The following ARHGAP15 variants were observed in gnomAD, a reference collection of about 807,000 sequenced individuals.
ARHGAP15 encodes rho GTPase-activating protein 15.
ARHGAP15 carries 51 observed loss-of-function variants against 63.7 expected under a neutral mutation model. The observed-to-expected ratio is 0.80, with a 90% CI of 0.64 to 1.01. The LOEUF (loss-of-function observed/expected upper bound fraction) is 1.01. Ranked by LOEUF, ARHGAP15 falls within the 50% of genes least tolerant of loss-of-function variation. The probability of loss-of-function intolerance (pLI) is 0.00; values close to 1 mark genes in which losing one functional copy is unlikely to be tolerated. For synonymous variants in ARHGAP15, 191 were observed against 193.8 expected (o/e 0.99, Z 0.12); for missense variants, 560 against 564.6 (o/e 0.99, Z 0.08).
intron 6 of ARHGAP15, among the ~76,000 whole-genome samples, chr2:143,423,433 C>T (rs751387202): frequency 6.6e-6 from 1 of 152,042 alleles, no homozygotes; most frequent in Non-Finnish European, 1.5e-5. Flanking sequence ...CATTCTATAC[C>T]CCTTTATTGA....
intron 13 of ARHGAP15, among the ~76,000 whole-genome samples, chr2:143,743,604 C>G (rs1686048598): frequency 6.6e-6 from 1 of 152,192 alleles, no homozygotes; most frequent in South Asian, 2.1e-4. Context: ...TGTTCGGGGA[C>G]AGCACTAGGT....
intron 11 of ARHGAP15, among the ~76,000 whole-genome samples, chr2:143,602,456 A>G (rs1372935466): frequency 6.6e-6 from 1 of 152,166 alleles, no homozygotes; most frequent in East Asian, 1.9e-4. Flanking sequence ...AGGGGAGGAC[A>G]GGAGGGAACA....
At chr2:143,682,439 G>T (rs1683142286) in intron 12 of ARHGAP15, among the ~76,000 whole-genome samples, 1 of 151,906 alleles carries the variant, frequency 6.6e-6, no homozygotes, top group Non-Finnish European at 1.5e-5. Flanking sequence ...TTAAGAAATA[G>T]AATTGACTTT....
chr2:143,390,375 G>A (rs1317534820), intron 6 of ARHGAP15, among the ~76,000 whole-genome samples: 1 of 152,146 alleles, frequency 6.6e-6, no homozygotes, highest in Non-Finnish European at 1.5e-5. Flanking sequence ...CTTACCATCT[G>A]TCAGCTAAAG....
At chr2:143,263,464 A>G (rs925706835) in intron 6 of ARHGAP15, among the ~76,000 whole-genome samples, 15 of 152,238 alleles carry the variant, frequency 9.9e-5, no homozygotes, top group Middle Eastern at 3.4e-3. Context: ...TCATGTAATC[A>G]GTGGTAGGTA....
chr2:143,283,524 C>T (rs1017588056), intron 6 of ARHGAP15, among the ~76,000 whole-genome samples: 4 of 152,108 alleles, frequency 2.6e-5, no homozygotes, highest in Non-Finnish European at 4.4e-5. Flanking sequence ...TTTTGGTGTT[C>T]TGCCTATTGT....
chr2:143,422,807 A>G (rs1382171183), intron 6 of ARHGAP15, among the ~76,000 whole-genome samples: 1 of 152,064 alleles, frequency 6.6e-6, no homozygotes, highest in Non-Finnish European at 1.5e-5. Flanking sequence ...TGGCAAAAGG[A>G]CACTACCAGC....
At chr2:143,214,267 A>T (rs1018645048) in intron 3 of ARHGAP15, among the ~76,000 whole-genome samples, 2 of 152,206 alleles carry the variant, frequency 1.3e-5, no homozygotes, top group Non-Finnish European at 2.9e-5. Flanking sequence ...TGTTAATCAG[A>T]AGAAAACTTA....
chr2:143,393,628 G>C (rs954745669), intron 6 of ARHGAP15, among the ~76,000 whole-genome samples: 4 of 151,696 alleles, frequency 2.6e-5, no homozygotes, highest in African/African-American at 9.7e-5. Flanking sequence ...TACTTGGGAG[G>C]CTGAGGCAGG....
At chr2:143,755,204 C>T (rs1353073911) in intron 13 of ARHGAP15, among the ~76,000 whole-genome samples, 1 of 151,230 alleles carries the variant, frequency 6.6e-6, no homozygotes. Context: ...TGATGGGGAA[C>T]TCATAGCCTT....
chr2:143,676,074 T>C (rs1682811090), intron 12 of ARHGAP15: 1 of 153,464 alleles, frequency 6.5e-6, no homozygotes, highest in South Asian at 2.1e-4. Flanking sequence ...ACTTTTACAT[T>C]GTAGAGACAG....
intron 9 of ARHGAP15, among the ~76,000 whole-genome samples, chr2:143,489,094 C>A (rs1206813913): frequency 6.6e-6 from 1 of 152,118 alleles, no homozygotes; most frequent in Non-Finnish European, 1.5e-5. Context: ...GCTAAGCAAC[C>A]AACAATCCTA....
chr2:143,605,902 G>A lies in ARHGAP15; in HGVS notation c.1004-18231G>A, dbSNP rs1335750549. Among the ~76,000 whole-genome samples the A allele has an allele frequency of 8.1e-5, 12 of 147,850 alleles. No homozygotes were observed. In the East Asian group the frequency reaches 1.4e-3, roughly 17 times the overall value. ...AAAAAAAAAATTAGCCAGGCATAGC[G>A]GCGTTTGCCTGTAGTTCCAGCTACT... On this transcript the variant is annotated intron_variant, in intron 11 of 13. Coordinates refer to ENST00000295095, the MANE Select transcript of ARHGAP15 (RefSeq NM_018460.4).
chr2:143,420,606 GGTAATTTACCAAGA>G (rs1688876655), intron 6 of ARHGAP15, among the ~76,000 whole-genome samples: 1 of 152,126 alleles, frequency 6.6e-6, no homozygotes, highest in African/African-American at 2.4e-5. Flanking sequence ...AAGCCTCTGC[GGTAATTTACCAAGA>G]AGTCTTTGGA....
intron 12 of ARHGAP15, among the ~76,000 whole-genome samples, chr2:143,637,853 C>G (rs776039948): frequency 1.2e-4 from 18 of 151,992 alleles, no homozygotes; most frequent in African/African-American, 3.9e-4. Flanking sequence ...CATGAACAGA[C>G]ACTTCTCAAA....
intron 11 of ARHGAP15, among the ~76,000 whole-genome samples, chr2:143,600,225 CA>C (rs1210089017): frequency 6.6e-6 from 1 of 152,136 alleles, no homozygotes; most frequent in Non-Finnish European, 1.5e-5. Flanking sequence ...CAGACTTTTG[CA>C]TGTTATGCAT....
At chr2:143,521,319 G>C (rs1694054379) in intron 10 of ARHGAP15, among the ~76,000 whole-genome samples, 1 of 152,106 alleles carries the variant, frequency 6.6e-6, no homozygotes, top group Non-Finnish European at 1.5e-5. Context: ...TCACATCATT[G>C]CAAGATTTAC....
At chr2:143,324,082 A>C (rs1427650000) in intron 6 of ARHGAP15, among the ~76,000 whole-genome samples, 1 of 152,070 alleles carries the variant, frequency 6.6e-6, no homozygotes, top group Admixed American at 6.6e-5. Flanking sequence ...TCTGGGCTTC[A>C]AATGTCAACT....
chr2:143,542,219 A>C (rs10195688), intron 10 of ARHGAP15, among the ~76,000 whole-genome samples: 2 of 152,152 alleles, frequency 1.3e-5, no homozygotes, highest in Non-Finnish European at 2.9e-5. Flanking sequence ...TGTTAAGCCC[A>C]TTGGAAGAGC....
Sources: gnomAD v4.1 joint callset for allele counts (sites outside exome capture counted in the v4.1 genomes callset) on GRCh38, gnomAD v4.1.1 for gene constraint, MANE v1.5 for transcripts, NCBI Gene and HGNC (gene_info 2026-07-23, HGNC 2026-07-21) for gene names.